NPY5R: variants seen among roughly 807,000 people sequenced by gnomAD.
The protein encoded by NPY5R is neuropeptide Y receptor type 5.
Under a neutral mutation model 24.8 loss-of-function variants are expected in NPY5R, and 21 were observed. The ratio of observed to expected loss-of-function variants is 0.85; its 90% CI spans 0.60 to 1.22. The LOEUF is 1.22. NPY5R is among the 50% of genes most tolerant of loss of function. NPY5R has a pLI of 0.00. For missense variants in NPY5R, 481 were observed against 521.3 expected, an observed-to-expected ratio of 0.92 and a Z score of 0.75; for synonymous variants, 175 against 183.0, an observed-to-expected ratio of 0.96 and a Z score of 0.35.
Position 163,351,593 on chromosome 4 carries a change from A to T in NPY5R, c.1320A>T (p.Ile440=), listed in dbSNP as rs775048398. The part of the protein sequence containing the change: ...NGIKADLVSL[I]HCLHM ...TTAAAGCTGATTTAGTGTCCCTTATACACTGTCTTCATATGTAATAATTCT... is the reference window on the plus strand; with the variant it reads ...TTAAAGCTGATTTAGTGTCCCTTATTCACTGTCTTCATATGTAATAATTCT... The change falls in exon 4 of 4, where the codon ATA becomes ATT. Residue 440 remains isoleucine, a synonymous_variant. Transcript: ENST00000338566. 6.2e-7 allele frequency: 1 copy of T among 1,605,692 alleles called. No homozygotes were observed. Among genetic ancestry groups the T allele is most frequent in the Non-Finnish European group, 8.5e-7 (1 of 1,172,934 alleles).
intron 3 of NPY5R, among the ~76,000 whole-genome samples, chr4:163,348,421 G>T (rs947546148): frequency 9.2e-5 from 14 of 152,048 alleles, no homozygotes; most frequent in Admixed American, 4.6e-4. Flanking sequence ...TTGAGGCCAG[G>T]AGTTTGAGAC....
Position 163,351,039 on chromosome 4 carries a change from A to G in NPY5R, c.766A>G (p.Asn256Asp). 1.2e-6 allele frequency: 2 copies of G among 1,614,162 alleles called. No homozygotes were observed. The highest frequency in any genetic ancestry group is 2.2e-5 in the South Asian group (2 of 91,078). Reference sequence around the variant, plus strand: ...CAGACTTGAAGAAAATGAGATGATCAACTTAACTCTTCATCCATCCAAAAA... The same window carrying G: ...CAGACTTGAAGAAAATGAGATGATCGACTTAACTCTTCATCCATCCAAAAA... ...ENRLEENEMI[N>D]LTLHPSKKSG... The change falls in exon 4 of 4, where the codon AAC (asparagine) becomes GAC (aspartate). Residue 256 changes from asparagine (N) to aspartate (D), a missense_variant. Coordinates refer to ENST00000338566, the MANE Select transcript of NPY5R (RefSeq NM_006174.4).
At chr4:163,346,428 C>T (rs1022662452) in intron 2 of NPY5R, among the ~76,000 whole-genome samples, 29 of 152,204 alleles carry the variant, frequency 1.9e-4, no homozygotes, top group African/African-American at 7.0e-4. Context: ...TTGCATTAGT[C>T]GTCTTTATGC....
chr4:163,349,398 G>A (rs1735386742), intron 3 of NPY5R: 2 of 573,416 alleles, frequency 3.5e-6, no homozygotes, highest in Non-Finnish European at 4.4e-6. Flanking sequence ...AGATGGGTAG[G>A]CATTATAATG....
Position 163,351,034 on chromosome 4 carries a change from T to C in NPY5R, c.761T>C (p.Met254Thr), listed in dbSNP as rs1735472235. 2 of 1,614,148 alleles carry C rather than the reference T, an allele frequency of 1.2e-6. No homozygotes were observed. Among genetic ancestry groups the C allele is most frequent in the Non-Finnish European group, 1.7e-6 (2 of 1,179,996 alleles). ...GAAAACAGACTTGAAGAAAATGAGA[T>C]GATCAACTTAACTCTTCATCCATCC... Reference protein sequence around the residue: ...NKENRLEENEMINLTLHPSKK... With the variant: ...NKENRLEENETINLTLHPSKK... The change falls in exon 4 of 4, where the codon ATG becomes ACG. Residue 254 changes from methionine (M) to threonine (T), a missense_variant. Physicochemically the swap from Met to Thr is moderately conservative, Grantham distance 81. Transcript: ENST00000338566.
chr4:163,350,361 T>C lies in NPY5R; in HGVS notation c.88T>C (p.Trp30Arg). 6.2e-7 allele frequency: 1 copy of C among 1,613,050 alleles called. No homozygotes were observed. Among genetic ancestry groups the C allele is most frequent in the Non-Finnish European group, 8.5e-7 (1 of 1,179,084 alleles). Residue 30 changes from tryptophan (W) to arginine (R), a missense_variant, in exon 4 of 4, where the codon TGG becomes CGG. Transcript: ENST00000338566. ...AATRNSDFPV[W>R]DDYKSSVDDL... ...CACTCGGAATTCTGATTTCCCAGTC[T>C]GGGATGACTATAAAAGCAGTGTAGA...
intron 3 of NPY5R, chr4:163,349,400 AT>A: frequency 1.7e-6 from 1 of 584,158 alleles, no homozygotes; most frequent in Non-Finnish European, 2.2e-6. Context: ...ATGGGTAGGC[AT>A]TATAATGCAA....
intron 1 of NPY5R, chr4:163,345,169 G>T (rs1222178658): frequency 6.6e-6 from 1 of 152,156 alleles, no homozygotes; most frequent in African/African-American, 2.4e-5. Flanking sequence ...TTCAAACAAA[G>T]AAACCTTATT....
At chr4:163,350,174 G>A in intron 3 of NPY5R, 91 bp from the exon 4 acceptor site, 1 of 775,676 alleles carries the variant, frequency 1.3e-6, no homozygotes. Context: ...GGAGCTGATT[G>A]TAATATTTAG....
Position 163,350,500 on chromosome 4 carries a change from T to C in NPY5R, c.227T>C (p.Val76Ala). ...LMKKRNQKTT[V>A]NFLIGNLAFS... is the part of the protein sequence containing the mutation. ...AAAAAGCGTAATCAGAAGACTACGG[T>C]AAACTTCCTCATAGGCAATCTGGCC... The change falls in exon 4 of 4, where the codon GTA becomes GCA. Residue 76 changes from valine (V) to alanine (A), a missense_variant. Transcript: ENST00000338566. 2 of 1,614,186 alleles carry C rather than the reference T, an allele frequency of 1.2e-6. No homozygotes were observed. The highest frequency in any genetic ancestry group is 8.5e-7 in the Non-Finnish European group (1 of 1,180,034).
intron 3 of NPY5R, among the ~76,000 whole-genome samples, chr4:163,348,260 A>C (rs976424906): frequency 2.6e-5 from 4 of 152,222 alleles, no homozygotes; most frequent in African/African-American, 9.6e-5. Flanking sequence ...AATCTCTACG[A>C]CAATGTATTT....
intron 3 of NPY5R, among the ~76,000 whole-genome samples, chr4:163,348,465 CA>C (rs1188857885): frequency 7.3e-5 from 11 of 151,672 alleles, no homozygotes; most frequent in African/African-American, 2.7e-4. Context: ...CCCATCTCCA[CA>C]AAAAATAGAA....
chr4:163,350,309 A>G lies in NPY5R; in HGVS notation c.36A>G (p.Thr12=). ...DLELDEYYNK[T]LATENNTAAT... is the part of the protein sequence containing the mutation. ...AGCTCGACGAGTATTATAACAAGAC[A>G]CTTGCCACAGAGAATAATACTGCTG... The change falls in exon 4 of 4, where the codon ACA becomes ACG. Residue 12 remains threonine (T), a synonymous_variant. Transcript: ENST00000338566. The G allele has an allele frequency of 6.3e-7, 1 of 1,593,766 alleles. No homozygotes were observed. The highest frequency in any genetic ancestry group is 1.1e-5 in the South Asian group (1 of 89,520).
intron 3 of NPY5R, among the ~76,000 whole-genome samples, chr4:163,348,663 A>T (rs1373108003): frequency 2.7e-5 from 3 of 111,930 alleles, no homozygotes; most frequent in South Asian, 2.6e-4. Context: ...ATAAAAAGGT[A>T]AAAAAAAAAA....
intron 2 of NPY5R, among the ~76,000 whole-genome samples, chr4:163,346,483 A>G (rs1735258491): frequency 6.6e-6 from 1 of 152,224 alleles, no homozygotes; most frequent in South Asian, 2.1e-4. Flanking sequence ...TTCAATAAAT[A>G]CTTTTTGAAT....
intron 3 of NPY5R, chr4:163,349,454 G>A (rs1735388661): frequency 4.2e-6 from 1 of 235,844 alleles, no homozygotes; most frequent in South Asian, 1.5e-4. Context: ...ACTGTAAACA[G>A]AATGTAACAG....
At chr4:163,350,224 G>GT (rs764418498) in intron 3 of NPY5R, 41 bp from the exon 4 acceptor site, 7 of 1,465,016 alleles carry the variant, frequency 4.8e-6, no homozygotes, top group Middle Eastern at 1.8e-4. Context: ...GTCATGTAAT[G>GT]TTTTTTTGGT....
In NPY5R at chr4:163,351,072, C is replaced by T; in HGVS notation, c.799C>T (p.Pro267Ser). ...TCTTCATCCATCCAAAAAGAGTGGG[C>T]CTCAGGTGAAACTCTCTGGCAGCCA... is the stretch of plus-strand genomic sequence containing the variant. Reference protein sequence around the residue: ...LTLHPSKKSGPQVKLSGSHKW... With the variant: ...LTLHPSKKSGSQVKLSGSHKW... Residue 267 changes from proline to serine, a missense_variant, in exon 4 of 4, where the codon CCT (proline) becomes TCT (serine). Transcript: ENST00000338566. 4 of 1,613,964 alleles carry T rather than the reference C, an allele frequency of 2.5e-6. No individual in the cohort carries two copies. The highest frequency in any genetic ancestry group is 3.3e-5 in the Admixed American group (2 of 60,030).
chr4:163,350,103 CAAAAAAAA>C (rs10599966), intron 3 of NPY5R, 154 bp from the exon 4 acceptor site: 50 of 174,398 alleles, frequency 2.9e-4, no homozygotes, highest in Non-Finnish European at 3.4e-4. Flanking sequence ...GACTCCGTCT[CAAAAAAAA>C]AAAAAAAAAA....
Sources: gnomAD v4.1 joint callset for allele counts (sites outside exome capture counted in the v4.1 genomes callset) on GRCh38, gnomAD v4.1.1 for gene constraint, MANE v1.5 for transcripts, NCBI Gene and HGNC (gene_info 2026-07-23, HGNC 2026-07-21) for gene names.